The following GC variants were observed in gnomAD, a reference collection of about 807,000 sequenced individuals.
GC encodes the protein vitamin D-binding protein.
Under a neutral mutation model 56.7 loss-of-function variants are expected in GC, and 43 were observed. The observed-to-expected ratio is 0.76, with a 90% confidence interval of 0.59 to 0.98. The LOEUF is 0.98. GC is among the 50% of genes least tolerant of loss of function. The pLI is 0.00. For missense variants in GC, 529 were observed against 545.9 expected, an observed-to-expected ratio of 0.97 and a Z score of 0.31; for synonymous variants, 216 against 202.7, an observed-to-expected ratio of 1.07 and a Z score of -0.56.
intron 1 of GC, among the ~76,000 whole-genome samples, chr4:71,790,197 G>T (rs1351049602): frequency 6.6e-6 from 1 of 151,836 alleles, no homozygotes; most frequent in Non-Finnish European, 1.5e-5. Context: ...AGTAATTGTG[G>T]TTTTTGCCAT....
chr4:71,781,324 A>G (rs938166652), intron 1 of GC, among the ~76,000 whole-genome samples: 1 of 152,026 alleles, frequency 6.6e-6, no homozygotes, highest in Admixed American at 6.6e-5. Context: ...AACATGGCAC[A>G]TGTATACATA....
rs372306843 is a variant in GC at position 71,752,605 on chromosome 4, C to T, written c.1308G>A (p.Thr436=). ...LKAKLPDATP[T]ELAKLVNKHS... The stretch of plus-strand genomic sequence containing the variant: ...GCTTGTTAACCAGCTTTGCCAGTTC[C>T]GTGGGTGTGGCATCAGGCAATTTTG... The change falls in exon 11 of 13, where the codon ACG becomes ACA. Residue 436 remains threonine, a synonymous_variant. Transcript: ENST00000273951. The T allele has an allele frequency of 1.2e-4, 188 of 1,613,482 alleles. No individual in the cohort carries two copies. Among genetic ancestry groups the T allele is most frequent in the Non-Finnish European group, 1.4e-4 (162 of 1,179,608 alleles).
chr4:71,758,229 G>A (rs112922527), intron 6 of GC, 58 bp from the exon 7 acceptor site: 112 of 1,459,218 alleles, frequency 7.7e-5, no homozygotes, highest in African/African-American at 1.8e-4. Flanking sequence ...TCTTGGTTTC[G>A]TGATGAACGC....
upstream of GC, among the ~76,000 whole-genome samples, chr4:71,785,583 C>A (rs1742813007): frequency 6.6e-6 from 1 of 151,686 alleles, no homozygotes; most frequent in Non-Finnish European, 1.5e-5. Context: ...TATGCCAGAT[C>A]AAAGCACAAG....
At position 71,756,609 on chromosome 4, in the gene GC, T is replaced by C. The variant is rs149806167; in HGVS notation, c.1034+103A>G. 45 of 726,270 alleles carry C rather than the reference T, an allele frequency of 6.2e-5. No homozygotes were observed. In the African/African-American group the frequency reaches 7.6e-4, roughly 12 times the overall value. The allele number at this position is 726,270 out of a possible 1,614,324, so 45.0% of individuals were successfully genotyped here. On this transcript the variant is annotated intron_variant, in intron 8 of 12. Coordinates refer to ENST00000273951, the MANE Select transcript of GC (RefSeq NM_000583.4). ...GCATAAAGGTAGTACTTTGCCTATG[T>C]TTGAAATGAGTGATAGCATACCTTC...
chr4:71,743,238 A>T (rs1227847485), intron 12 of GC, among the ~76,000 whole-genome samples: 2 of 152,198 alleles, frequency 1.3e-5, no homozygotes, highest in African/African-American at 4.8e-5. Flanking sequence ...TCTATGAGTG[A>T]GTCAAATCTC....
intron 3 of GC, among the ~76,000 whole-genome samples, chr4:71,767,770 G>A (rs1039349023): frequency 3.1e-4 from 47 of 151,768 alleles, no homozygotes; most frequent in African/African-American, 9.7e-4. Flanking sequence ...CACCGGAGCC[G>A]TGTACAGTGT....
Position 71,752,501 on chromosome 4 carries a change from G to A in GC, c.1395+17C>T, listed in dbSNP as rs1332325262. On this transcript the variant is annotated intron_variant, in intron 11 of 12. Coordinates refer to ENST00000273951, the MANE Select transcript of GC (RefSeq NM_000583.4). ...AAAAGATTCTGCCATGTTAAGTGGA[G>A]GGTTACATTTTCCTACCTCTGAATC... 1.2e-6 allele frequency: 2 copies of A among 1,604,140 alleles called. No individual in the cohort carries two copies. Among genetic ancestry groups the A allele is most frequent in the Non-Finnish European group, 1.7e-6 (2 of 1,174,276 alleles).
At chr4:71,778,757 C>T (rs1246079348) in intron 1 of GC, among the ~76,000 whole-genome samples, 3 of 151,710 alleles carry the variant, frequency 2.0e-5, no homozygotes, top group Non-Finnish European at 4.4e-5. Flanking sequence ...GGATACAGAC[C>T]ACCTGGATTT....
chr4:71,769,976 A>T (rs1414605634), intron 1 of GC, among the ~76,000 whole-genome samples: 1 of 152,186 alleles, frequency 6.6e-6, no homozygotes, highest in Non-Finnish European at 1.5e-5. Flanking sequence ...GAAGGCTAGG[A>T]ATTCAGCTGG....
At chr4:71,760,955 G>A (rs1386656900) in intron 6 of GC, among the ~76,000 whole-genome samples, 1 of 152,124 alleles carries the variant, frequency 6.6e-6, no homozygotes, top group South Asian at 2.1e-4. Flanking sequence ...GTCTTTATCA[G>A]CAGCATGAAA....
chr4:71,757,065 G>A (rs1056859236), intron 7 of GC, 151 bp from the exon 8 acceptor site: 4 of 607,150 alleles, frequency 6.6e-6, no homozygotes, highest in Non-Finnish European at 2.9e-6. Context: ...ATTTGGAAAG[G>A]CAGTTTGTCA....
intron 1 of GC, among the ~76,000 whole-genome samples, chr4:71,780,287 G>T (rs1021202060): frequency 6.6e-6 from 1 of 152,070 alleles, no homozygotes; most frequent in Admixed American, 6.6e-5. Context: ...AACCCTAGAA[G>T]AAAACCTAGG....
At chr4:71,781,711 C>T (rs960326196) in intron 1 of GC, among the ~76,000 whole-genome samples, 9 of 151,830 alleles carry the variant, frequency 5.9e-5, no homozygotes, top group African/African-American at 1.7e-4. Context: ...CTGGGAAATA[C>T]TGCCTTGTTG....
intron 1 of GC, among the ~76,000 whole-genome samples, chr4:71,801,815 A>G (rs1743260341): frequency 6.6e-6 from 1 of 151,924 alleles, no homozygotes; most frequent in African/African-American, 2.4e-5. Flanking sequence ...CACTTTTTAA[A>G]TATTTCCACT....
At position 71,796,938 on chromosome 4, in the gene GC, C is replaced by G. The variant is rs145062230; in HGVS notation, c.21+6988G>C. 5.8e-3 allele frequency among the ~76,000 whole-genome samples: 884 copies of G among 152,336 alleles called. 5 individuals are homozygous for G. Among genetic ancestry groups the G allele is most frequent in the African/African-American group, 0.019 (795 of 41,582 alleles). ...ACAGTCAGGTCCCTCAGTTGCAGGT[C>G]TGTCGGAGTTTGCTAAAGGTCCACT... On this transcript the variant is annotated intron_variant, in intron 1 of 13. Transcript: ENST00000504199.
In GC at chr4:71,784,042, C is replaced by T. The variant is rs370259064; in HGVS notation, c.-24G>A. The stretch of plus-strand genomic sequence containing the variant: ...ATTTTTCTACCAGAGAGTCTTGCAG[C>T]ACCTCCTCTCTCCTGTAGGTGACCA... On this transcript the variant is annotated 5_prime_UTR_variant, in exon 1 of 13. Coordinates refer to ENST00000273951, the MANE Select transcript of GC (RefSeq NM_000583.4). The T allele has an allele frequency of 6.9e-6, 11 of 1,599,714 alleles. No individual in the cohort carries two copies. Among genetic ancestry groups the T allele is most frequent in the Non-Finnish European group, 9.4e-6 (11 of 1,171,018 alleles).
intron 1 of GC, among the ~76,000 whole-genome samples, chr4:71,773,704 A>G (rs1277660587): frequency 6.6e-6 from 1 of 152,052 alleles, no homozygotes; most frequent in Non-Finnish European, 1.5e-5. Flanking sequence ...GATCCTAAAT[A>G]TCATTGACAT....
At chr4:71,755,870 TAA>T (rs1447148274) in intron 8 of GC, among the ~76,000 whole-genome samples, 7 of 152,202 alleles carry the variant, frequency 4.6e-5, no homozygotes, top group African/African-American at 1.4e-4. Context: ...TAGAAAAATG[TAA>T]AGTTTCAGTC....
Sources: gnomAD v4.1 joint callset for allele counts (sites outside exome capture counted in the v4.1 genomes callset) on GRCh38, gnomAD v4.1.1 for gene constraint, MANE v1.5 for transcripts, NCBI Gene and HGNC (gene_info 2026-07-23, HGNC 2026-07-21) for gene names.